The following ZC3H12B variants were observed in gnomAD, a reference collection of about 807,000 sequenced individuals.
ZC3H12B encodes the protein zinc finger CCCH-type containing 12B, also known as probable ribonuclease ZC3H12B.
A neutral mutation model predicts 43.9 loss-of-function variants in ZC3H12B; 7 were observed. That is an observed-to-expected ratio of 0.16 (90% CI 0.09 to 0.30). ZC3H12B has a LOEUF of 0.30. ZC3H12B is among the 10% of genes least tolerant of loss of function. The pLI, the probability that ZC3H12B is intolerant of heterozygous loss-of-function variation, is 1.00. For missense variants in ZC3H12B, 475 were observed against 670.2 expected, an observed-to-expected ratio of 0.71 and a Z score of 3.22; for synonymous variants, 222 against 241.7, an observed-to-expected ratio of 0.92 and a Z score of 0.76.
At position 65,494,455 on chromosome X, in the gene ZC3H12B, A is replaced by G. The variant is rs191721165; in HGVS notation, c.609-2677A>G. On this transcript the variant is annotated intron_variant, in intron 1 of 4. Transcript: ENST00000338957. ...GGTCTCACCATGTTGCCAAGGCTGA[A>G]AAAAAAAATTTAAACACAGAATTTG... Among the ~76,000 whole-genome samples, 91 of 109,945 alleles carry G rather than the reference A, an allele frequency of 8.3e-4. 1 individual carries two copies. In the East Asian group the frequency reaches 0.024, roughly 29 times the overall value.
chrX:65,157,005 G>A, the ZC3H12B span, among the ~76,000 whole-genome samples: 1 of 110,534 alleles, frequency 9.0e-6, no homozygotes, highest in African/African-American at 3.3e-5. Context: ...TTTTCAGACA[G>A]TGTCTTACTC....
At chrX:65,276,144 C>CA in the ZC3H12B span, among the ~76,000 whole-genome samples, 1 of 109,438 alleles carries the variant, frequency 9.1e-6, no homozygotes, top group Non-Finnish European at 1.9e-5. Context: ...CACAGGCAGA[C>CA]AAAAAAGCAA....
At chrX:65,196,762 C>G in the ZC3H12B span, among the ~76,000 whole-genome samples, 1 of 111,534 alleles carries the variant, frequency 9.0e-6, no homozygotes, top group East Asian at 2.8e-4. Context: ...GCCATATCAC[C>G]TCCTCTTCCC....
chrX:65,233,532 A>T, the ZC3H12B span, among the ~76,000 whole-genome samples: 17 of 87,705 alleles, frequency 1.9e-4, no homozygotes, highest in South Asian at 8.2e-4. Context: ...GAAGAAAATT[A>T]AAAAAAAAAA....
chrX:65,084,409 G>GA, the ZC3H12B span, among the ~76,000 whole-genome samples: 12 of 111,407 alleles, frequency 1.1e-4, no homozygotes, highest in East Asian at 2.0e-3. Context: ...CAACTCTACA[G>GA]AAAAAAATAT....
intron 3 of ZC3H12B, among the ~76,000 whole-genome samples, chrX:65,466,462 G>C (rs2067819041): frequency 9.1e-6 from 1 of 109,689 alleles, no homozygotes; most frequent in African/African-American, 3.3e-5. Context: ...TCATTATCCT[G>C]TTATCCATCA....
intron 4 of ZC3H12B, among the ~76,000 whole-genome samples, chrX:65,500,454 G>A (rs2068349039): frequency 8.9e-6 from 1 of 111,920 alleles, no homozygotes; most frequent in African/African-American, 3.2e-5. Context: ...TTGAGACAAA[G>A]TCTTGCTCTG....
At chrX:65,135,599 T>A in the ZC3H12B span, among the ~76,000 whole-genome samples, 2 of 110,107 alleles carry the variant, frequency 1.8e-5, no homozygotes, top group Admixed American at 9.7e-5. Flanking sequence ...GCAGGCTAAA[T>A]TTGGGATGTT....
chrX:65,420,375 G>A (rs2067004955), intron 3 of ZC3H12B, among the ~76,000 whole-genome samples: 1 of 112,258 alleles, frequency 8.9e-6, no homozygotes, highest in South Asian at 3.7e-4. Context: ...CCATACAATA[G>A]GCCAGCCCAC....
the ZC3H12B span, among the ~76,000 whole-genome samples, chrX:65,056,205 C>T: frequency 9.0e-6 from 1 of 111,386 alleles, no homozygotes; most frequent in African/African-American, 3.3e-5. Flanking sequence ...TAGATCTTTC[C>T]TGCTTTTTCT....
chrX:65,056,265 G>A, the ZC3H12B span, among the ~76,000 whole-genome samples: 1 of 111,069 alleles, frequency 9.0e-6, no homozygotes, highest in Non-Finnish European at 1.9e-5. Context: ...TTTTAAATGT[G>A]TCCCAGAGAT....
At chrX:65,103,409 G>A in the ZC3H12B span, among the ~76,000 whole-genome samples, 2 of 111,557 alleles carry the variant, frequency 1.8e-5, no homozygotes, top group African/African-American at 6.5e-5. Context: ...TTTTCAAGGT[G>A]CCCAGATTTC....
chrX:65,041,350 C>G, the ZC3H12B span, among the ~76,000 whole-genome samples: 1 of 111,686 alleles, frequency 9.0e-6, no homozygotes, highest in Non-Finnish European at 1.9e-5. Context: ...AGCCAGAGTC[C>G]TACCAGAGGT....
chrX:65,041,672 G>A, the ZC3H12B span, among the ~76,000 whole-genome samples: 1 of 112,252 alleles, frequency 8.9e-6, no homozygotes, highest in Non-Finnish European at 1.9e-5. Flanking sequence ...GAGTAAGAAA[G>A]TAAAGTGTGC....
At chrX:65,220,966 GT>G in the ZC3H12B span, among the ~76,000 whole-genome samples, 1 of 111,383 alleles carries the variant, frequency 9.0e-6, no homozygotes, top group Admixed American at 9.5e-5. Flanking sequence ...ACAAGTTTCA[GT>G]ACATTTAAGG....
the ZC3H12B span, among the ~76,000 whole-genome samples, chrX:65,035,034 C>A: frequency 8.9e-6 from 1 of 112,565 alleles, no homozygotes; most frequent in Admixed American, 9.2e-5. Context: ...GCCTTCCCCC[C>A]ATCGCCTCCC....
At chrX:65,438,187 A>C (rs2067245115) in intron 3 of ZC3H12B, among the ~76,000 whole-genome samples, 2 of 111,477 alleles carry the variant, frequency 1.8e-5, no homozygotes, top group South Asian at 7.5e-4. Flanking sequence ...TATGCTTAGG[A>C]TAGCTTTGGC....
the ZC3H12B span, among the ~76,000 whole-genome samples, chrX:65,249,988 G>A: frequency 9.1e-6 from 1 of 109,911 alleles, no homozygotes; most frequent in African/African-American, 3.3e-5. Flanking sequence ...TGCACAACGT[G>A]CAGGTTTGTT....
upstream of ZC3H12B, among the ~76,000 whole-genome samples, chrX:65,484,799 T>C (rs1373238809): frequency 8.9e-6 from 1 of 112,605 alleles, no homozygotes; most frequent in African/African-American, 3.2e-5. Context: ...AAGATGTCAT[T>C]TGGCAGATTC....
Sources: gnomAD v4.1 joint callset for allele counts (sites outside exome capture counted in the v4.1 genomes callset) on GRCh38, gnomAD v4.1.1 for gene constraint, MANE v1.5 for transcripts, NCBI Gene and HGNC (gene_info 2026-07-23, HGNC 2026-07-21) for gene names.